Variants in SENP2 observed in about 807,000 individuals in gnomAD.
The protein encoded by SENP2 is sentrin-specific protease 2.
A neutral mutation model predicts 86.3 loss-of-function variants in SENP2; 16 were observed. The ratio of observed to expected loss-of-function variants is 0.19; its 90% CI spans 0.13 to 0.28. The LOEUF is 0.28. Among genes scored for constraint, SENP2 ranks in the 10% least tolerant of loss-of-function variants. SENP2 has a pLI of 1.00. For missense variants in SENP2, 552 were observed against 703.0 expected, an observed-to-expected ratio of 0.79 and a Z score of 2.43; for synonymous variants, 222 against 238.7, an observed-to-expected ratio of 0.93 and a Z score of 0.64.
At chr3:185,618,857 C>A (rs1266832749) in intron 12 of SENP2, among the ~76,000 whole-genome samples, 1 of 151,994 alleles carries the variant, frequency 6.6e-6, no homozygotes. Context: ...CCAGCCTGGG[C>A]GACAGGGCAA....
rs536793085 is a variant in SENP2, at chr3:185,593,647, CT to C, written c.157+3480del. ...AAATCTTGATTTAATGCTAGTATAT[CT>C]TCAATACTTGTCTAATATATGCTAA... is the stretch of plus-strand genomic sequence containing the variant. On this transcript the variant is annotated intron_variant, in intron 2 of 16. Transcript: ENST00000296257. 1.3e-3 allele frequency among the ~76,000 whole-genome samples: 202 copies of C among 152,040 alleles called. 1 individual carries two copies. The highest frequency in any genetic ancestry group is 4.8e-3 in the African/African-American group (200 of 41,452).
chr3:185,626,298 G>A lies in SENP2; in HGVS notation c.1612G>A (p.Glu538Lys). The A allele has an allele frequency of 1.3e-6, 2 of 1,597,080 alleles. No homozygotes were observed. The highest frequency in any genetic ancestry group is 1.7e-6 in the Non-Finnish European group (2 of 1,168,068). ...EWTHHSMKPH[E>K]IPQQLNGSDC... is the part of the protein sequence containing the mutation. Reference sequence around the variant, plus strand: ...TCTTCTTTTTTCTTTGTAATTTTAGGAGATTCCTCAACAGCTGAATGGGAG... The same window carrying A: ...TCTTCTTTTTTCTTTGTAATTTTAGAAGATTCCTCAACAGCTGAATGGGAG... Residue 538 changes from glutamate to lysine, a missense_variant and splice_region_variant, in exon 16 of 17, where the codon GAG (glutamate) becomes AAG (lysine). By Grantham distance (56) the Glu-to-Lys change is moderately conservative. Around this residue, in one of 2 missense-constraint regions of SENP2, gnomAD observed 169 missense variants for 275.7 expected, o/e 0.61. Transcript: ENST00000296257.
intron 11 of SENP2, among the ~76,000 whole-genome samples, chr3:185,617,208 C>T (rs1165481100): frequency 1.3e-5 from 2 of 152,120 alleles, no homozygotes; most frequent in Non-Finnish European, 2.9e-5. Context: ...TGGCTCATGC[C>T]TATAATCTCA....
intron 14 of SENP2, among the ~76,000 whole-genome samples, chr3:185,622,500 TC>T (rs1164199603): frequency 6.6e-6 from 1 of 152,188 alleles, no homozygotes; most frequent in Non-Finnish European, 1.5e-5. Flanking sequence ...GACAAATGAA[TC>T]TTGTGAAGAA....
At chr3:185,607,485 C>T (rs548552505) in intron 6 of SENP2, among the ~76,000 whole-genome samples, 6 of 151,562 alleles carry the variant, frequency 4.0e-5, no homozygotes, top group East Asian at 1.9e-4. Flanking sequence ...TGTGCCACCA[C>T]GCCTGGCTAA....
chr3:185,629,945 T>A lies in SENP2; in HGVS notation c.*101T>A, dbSNP rs1477584719. The A allele has an allele frequency of 1.7e-6, 2 of 1,181,414 alleles. No homozygotes were observed. The highest frequency in any genetic ancestry group is 2.5e-6 in the Non-Finnish European group (2 of 799,810). 73.2% of individuals were successfully genotyped at this position (1,181,414 alleles called of 1,614,324 possible). On this transcript the variant is annotated 3_prime_UTR_variant, in exon 17 of 17. Coordinates refer to ENST00000296257, the MANE Select transcript of SENP2 (RefSeq NM_021627.3). ...TAAAAAGTCCCTGCATCACTTCTGT[T>A]CTCACAGGTACTGAGCTGTCAAAAG...
At chr3:185,603,599 G>A (rs1722417820) in intron 5 of SENP2, among the ~76,000 whole-genome samples, 1 of 152,174 alleles carries the variant, frequency 6.6e-6, no homozygotes, top group Non-Finnish European at 1.5e-5. Context: ...TTTTTTAATA[G>A]CTTCAGAGAT....
intron 12 of SENP2, 48 bp from the exon 13 acceptor site, chr3:185,619,251 A>G (rs777965726): frequency 3.0e-6 from 4 of 1,349,876 alleles, no homozygotes; most frequent in Non-Finnish European, 4.2e-6. Context: ...TTTAGTTTTG[A>G]TAATATGTTT....
chr3:185,595,871 C>T (rs906125326), intron 2 of SENP2, among the ~76,000 whole-genome samples: 1 of 150,460 alleles, frequency 6.6e-6, no homozygotes, highest in Non-Finnish European at 1.5e-5. Context: ...CGTGATCTCA[C>T]CTCACTGCAA....
Position 185,619,479 on chromosome 3 carries a change from CG to C in SENP2, c.1425del (p.Lys476ArgfsTer8). Reference protein sequence around the residue: ...EQEIILVPIHRKVHWSLVVID... With the variant: ...EQEIILVPIHXKVHWSLVVID... The stretch of plus-strand genomic sequence containing the variant: ...AGAAATTATTCTGGTGCCTATTCAT[CG>C]GAAGGTACATTGGAGCCTGGTGGTG... On this transcript the variant is annotated frameshift_variant, in exon 13 of 17. Coordinates refer to ENST00000296257, the MANE Select transcript of SENP2 (RefSeq NM_021627.3). 1 of 1,614,028 alleles carries C rather than the reference CG, an allele frequency of 6.2e-7. No homozygotes were observed. Among genetic ancestry groups the C allele is most frequent in the Non-Finnish European group, 8.5e-7 (1 of 1,179,978 alleles).
intron 2 of SENP2, among the ~76,000 whole-genome samples, chr3:185,593,557 T>G (rs1722077200): frequency 6.6e-6 from 1 of 152,218 alleles, no homozygotes; most frequent in Non-Finnish European, 1.5e-5. Flanking sequence ...GATTATGTAC[T>G]AAGAAAGGTG....
intron 5 of SENP2, among the ~76,000 whole-genome samples, chr3:185,605,112 T>G (rs1294421161): frequency 2.0e-5 from 3 of 151,222 alleles, no homozygotes; most frequent in East Asian, 4.0e-4. Flanking sequence ...GGCTCACGCC[T>G]GTATCCCAGC....
chr3:185,623,713 G>C (rs1316306201), intron 14 of SENP2, among the ~76,000 whole-genome samples: 1 of 150,692 alleles, frequency 6.6e-6, no homozygotes, highest in Non-Finnish European at 1.5e-5. Context: ...TGTGGTCCCA[G>C]CTACTTGGGA....
At chr3:185,622,748 G>T (rs1366649092) in intron 14 of SENP2, among the ~76,000 whole-genome samples, 2 of 151,218 alleles carry the variant, frequency 1.3e-5, no homozygotes, top group East Asian at 1.9e-4. Context: ...TTCTTACTGG[G>T]ATCATACAGT....
In SENP2 at chr3:185,599,097, T is replaced by A. The variant is rs190111080; in HGVS notation, c.358+73T>A. 6 of 1,098,392 alleles carry A rather than the reference T, an allele frequency of 5.5e-6. No homozygotes were observed. The African/African-American group carries it at 9.3e-5, about 17-fold the overall frequency. 68.0% of individuals were successfully genotyped at this position (1,098,392 alleles called of 1,614,324 possible). ...ATTTTTTTCCTACATTTTGAAAATA[T>A]GAAAGGAAAACACTGATTTGAATTG... On this transcript the variant is annotated intron_variant, in intron 4 of 16. Transcript: ENST00000296257.
intron 2 of SENP2, among the ~76,000 whole-genome samples, chr3:185,597,060 G>A (rs972689178): frequency 6.6e-6 from 1 of 152,062 alleles, no homozygotes; most frequent in Non-Finnish European, 1.5e-5. Context: ...CACCATGTTT[G>A]CCAGGCTGGT....
chr3:185,599,099 A>C, intron 4 of SENP2, 75 bp downstream of exon 4: 1 of 1,031,018 alleles, frequency 9.7e-7, no homozygotes, highest in Non-Finnish European at 1.5e-6. Flanking sequence ...TGAAAATATG[A>C]AAGGAAAACA....
At chr3:185,594,236 T>C (rs1273513058) in intron 2 of SENP2, among the ~76,000 whole-genome samples, 1 of 152,180 alleles carries the variant, frequency 6.6e-6, no homozygotes, top group Non-Finnish European at 1.5e-5. Flanking sequence ...GACAATCATC[T>C]GTTTTATGGA....
chr3:185,599,791 C>T (rs1314229838), intron 4 of SENP2, among the ~76,000 whole-genome samples: 1 of 150,480 alleles, frequency 6.6e-6, no homozygotes, highest in Non-Finnish European at 1.5e-5. Context: ...TTCCTAAAAA[C>T]TTGATATTTC....
Sources: allele counts gnomAD v4.1 joint callset (sites outside exome capture counted in the v4.1 genomes callset), GRCh38; gene constraint gnomAD v4.1.1; regional missense constraint gnomAD v4.1.1; transcripts MANE v1.5; gene names NCBI Gene and HGNC (gene_info 2026-07-23, HGNC 2026-07-21).